DNAAF9: variants seen among roughly 807,000 people sequenced by gnomAD.
The protein encoded by DNAAF9 is dynein axonemal assembly factor 9.
A neutral mutation model predicts 167.0 loss-of-function variants in DNAAF9; 90 were observed. The observed-to-expected ratio is 0.54, with a 90% CI of 0.45 to 0.64. The LOEUF (loss-of-function observed/expected upper bound fraction) is 0.64. Among genes scored for constraint, DNAAF9 ranks in the 30% least tolerant of loss-of-function variants. The probability of loss-of-function intolerance (pLI) is 0.00; values close to 1 mark genes in which losing one functional copy is unlikely to be tolerated. For synonymous variants in DNAAF9, 491 were observed against 508.8 expected (o/e 0.96, Z 0.47); for missense variants, 1,315 against 1,442.2 (o/e 0.91, Z 1.43).
intron 6 of DNAAF9, among the ~76,000 whole-genome samples, chr20:3,367,052 C>T (rs538325699): frequency 5.6e-4 from 85 of 152,368 alleles, no homozygotes; most frequent in East Asian, 2.1e-3. Context: ...CCTTCATCAA[C>T]TATCTGAGGC....
intron 29 of DNAAF9, among the ~76,000 whole-genome samples, chr20:3,271,524 C>A (rs539736630): frequency 6.6e-6 from 1 of 152,102 alleles, no homozygotes; most frequent in Non-Finnish European, 1.5e-5. Context: ...ATTATAATAC[C>A]CCTTCCATAT....
At chr20:3,359,392 C>T in intron 7 of DNAAF9, 124 bp downstream of exon 7, 1 of 691,058 alleles carries the variant, frequency 1.4e-6, no homozygotes, top group South Asian at 1.8e-5. Flanking sequence ...AAGGAAGAAA[C>T]TGCTCTATTT....
At chr20:3,374,876 GA>G (rs2052500558) in intron 5 of DNAAF9, among the ~76,000 whole-genome samples, 153 bp downstream of exon 5, 1 of 152,122 alleles carries the variant, frequency 6.6e-6, no homozygotes, top group Admixed American at 6.5e-5. Context: ...AGCTTGCACA[GA>G]AAAGTCCCCA....
At chr20:3,340,456 C>CCCCCCCCCCCCA in intron 10 of DNAAF9, 48 bp downstream of exon 10, 1 of 1,152,354 alleles carries the variant, frequency 8.7e-7, no homozygotes, top group Non-Finnish European at 1.2e-6. Flanking sequence ...CCCACCCCCA[C>CCCCCCCCCCCCA]AACTTGATAA....
intron 23 of DNAAF9, chr20:3,296,026 C>A: frequency 3.4e-6 from 4 of 1,166,434 alleles, no homozygotes; most frequent in South Asian, 1.2e-5. Flanking sequence ...CGGTTTCAAG[C>A]TGAAATTTTC....
chr20:3,266,564 G>A (rs1440876382), intron 30 of DNAAF9, among the ~76,000 whole-genome samples: 5 of 152,004 alleles, frequency 3.3e-5, no homozygotes, highest in Non-Finnish European at 5.9e-5. Flanking sequence ...TGCAAGCTCC[G>A]CCTCCCAGGT....
At chr20:3,261,093 G>A (rs2068377672) in intron 31 of DNAAF9, among the ~76,000 whole-genome samples, 1 of 152,170 alleles carries the variant, frequency 6.6e-6, no homozygotes, top group Non-Finnish European at 1.5e-5. Context: ...TCAGGCTGGA[G>A]TGCAGTGGTG....
chr20:3,369,522 G>A (rs954440152), intron 6 of DNAAF9, among the ~76,000 whole-genome samples: 1 of 151,914 alleles, frequency 6.6e-6, no homozygotes, highest in African/African-American at 2.4e-5. Context: ...GACTACAGGC[G>A]TGTGCCACCA....
chr20:3,293,550 T>C (rs1319590378), intron 25 of DNAAF9, among the ~76,000 whole-genome samples: 4 of 145,126 alleles, frequency 2.8e-5, no homozygotes, highest in Non-Finnish European at 6.0e-5. Context: ...CCAGGCGTGG[T>C]GGTGCATGCC....
At chr20:3,370,871 T>C (rs1234893973) in intron 6 of DNAAF9, among the ~76,000 whole-genome samples, 2 of 152,068 alleles carry the variant, frequency 1.3e-5, no homozygotes, top group Non-Finnish European at 2.9e-5. Context: ...TCCACCCAAA[T>C]CTCTTCTTTG....
chr20:3,351,146 T>A (rs2123146964), intron 7 of DNAAF9, among the ~76,000 whole-genome samples: 1 of 152,288 alleles, frequency 6.6e-6, no homozygotes. Flanking sequence ...ATGATCAGGA[T>A]AAACAGGAGA....
Position 3,326,186 on chromosome 20 carries a change from A to G in DNAAF9, c.1188+11T>C. The G allele has an allele frequency of 6.5e-7, 1 of 1,540,212 alleles. No individual in the cohort carries two copies. The highest frequency in any genetic ancestry group is 9.0e-7 in the Non-Finnish European group (1 of 1,113,646). The stretch of plus-strand genomic sequence containing the variant: ...ATAATTACAGAAAGGGAAACATGGT[A>G]TTTAAATTACCTTTGTTAGACTGGA... On this transcript the variant is annotated intron_variant, in intron 13 of 36. Transcript: ENST00000252032.
At position 3,399,465 on chromosome 20, in the gene DNAAF9, C is replaced by A. The variant is rs542083801; in HGVS notation, c.83+8010G>T. ...CCTTGCGATCCGCCCGCCTCGGCCT[C>A]CCAAAGTGCTGGGATTACAGGCATG... On this transcript the variant is annotated intron_variant, in intron 1 of 36. Coordinates refer to ENST00000252032, the MANE Select transcript of DNAAF9 (RefSeq NM_001009984.3). 2.0e-3 allele frequency among the ~76,000 whole-genome samples: 311 copies of A among 152,268 alleles called. 1 individual carries two copies. The highest frequency in any genetic ancestry group is 3.5e-3 in the Non-Finnish European group (236 of 68,018).
At chr20:3,360,814 T>C (rs2083351888) in intron 6 of DNAAF9, among the ~76,000 whole-genome samples, 1 of 152,222 alleles carries the variant, frequency 6.6e-6, no homozygotes, top group South Asian at 2.1e-4. Context: ...CAAAAGCCAT[T>C]ACATGAAAGT....
chr20:3,287,610 C>A (rs1034172924), intron 27 of DNAAF9, 22 bp downstream of exon 27: 3 of 1,613,062 alleles, frequency 1.9e-6, no homozygotes, highest in Non-Finnish European at 2.5e-6. Context: ...TCGACTGTTT[C>A]CAGGAGACTT....
At chr20:3,357,188 G>A (rs1426362187) in intron 7 of DNAAF9, among the ~76,000 whole-genome samples, 1 of 151,908 alleles carries the variant, frequency 6.6e-6, no homozygotes, top group Non-Finnish European at 1.5e-5. Context: ...AATTATTAGT[G>A]AGGCCAGGTG....
Position 3,292,293 on chromosome 20 carries a change from C to T in DNAAF9, c.2238+1846G>A, listed in dbSNP as rs373766474. Among the ~76,000 whole-genome samples, 11 of 152,308 alleles carry T rather than the reference C, an allele frequency of 7.2e-5. No individual in the cohort carries two copies. The East Asian group carries it at 2.1e-3, about 29-fold the overall frequency. On this transcript the variant is annotated intron_variant, in intron 25 of 36. Coordinates refer to ENST00000252032, the MANE Select transcript of DNAAF9 (RefSeq NM_001009984.3). Reference sequence around the variant, plus strand: ...GGGATTACAGGCATGAGCCATGCCGCCTGGGCGAGCACCTTTTAATAAAAT... The same window carrying T: ...GGGATTACAGGCATGAGCCATGCCGTCTGGGCGAGCACCTTTTAATAAAAT...
At chr20:3,370,786 T>C (rs1430827119) in intron 6 of DNAAF9, among the ~76,000 whole-genome samples, 4 of 152,118 alleles carry the variant, frequency 2.6e-5, no homozygotes, top group Non-Finnish European at 5.9e-5. Context: ...CCTCCCGCCT[T>C]GGCCTCCCAA....
chr20:3,295,854 C>T (rs776178009), intron 23 of DNAAF9: 36 of 987,648 alleles, frequency 3.6e-5, no homozygotes, highest in African/African-American at 2.6e-4. Context: ...AATCCCCAAA[C>T]GACATCCTTT....
Sources: gnomAD v4.1 joint callset for allele counts (sites outside exome capture counted in the v4.1 genomes callset) on GRCh38, gnomAD v4.1.1 for gene constraint, MANE v1.5 for transcripts, NCBI Gene and HGNC (gene_info 2026-07-23, HGNC 2026-07-21) for gene names.